Variants in DRC1 observed in about 807,000 individuals in gnomAD.
The protein encoded by DRC1 is dynein regulatory complex subunit 1, also known as dynein regulatory complex protein 1.
A neutral mutation model predicts 98.7 loss-of-function variants in DRC1; 74 were observed. That is an observed-to-expected ratio of 0.75 (90% CI 0.62 to 0.91). DRC1 has a LOEUF of 0.91. DRC1 is among the 40% of genes least tolerant of loss of function. The pLI, the probability that DRC1 is intolerant of heterozygous loss-of-function variation, is 0.00. For missense variants in DRC1, 875 were observed against 886.0 expected (o/e 0.99, Z 0.16); for synonymous variants, 336 against 334.1 (o/e 1.01, Z -0.06).
chr2:26,406,946 G>A (rs1293533150), intron 1 of DRC1, among the ~76,000 whole-genome samples: 2 of 150,858 alleles, frequency 1.3e-5, no homozygotes, highest in Non-Finnish European at 2.9e-5. Context: ...AGCCTCTCGA[G>A]TAGCTGGGAC....
At chr2:26,444,075 A>G in intron 8 of DRC1, 147 bp from the exon 9 acceptor site, 1 of 1,120,708 alleles carries the variant, frequency 8.9e-7, no homozygotes, top group Non-Finnish European at 1.3e-6. Context: ...TCAAAATGGG[A>G]TCTGTGTTTT....
intron 3 of DRC1, among the ~76,000 whole-genome samples, chr2:26,423,115 T>C (rs1663187730): frequency 6.6e-6 from 1 of 152,012 alleles, no homozygotes; most frequent in African/African-American, 2.4e-5. Flanking sequence ...GTGCCAGGAA[T>C]GGAGTCGGCA....
At chr2:26,414,023 C>A (rs965011608) in intron 1 of DRC1, among the ~76,000 whole-genome samples, 1 of 151,504 alleles carries the variant, frequency 6.6e-6, no homozygotes, top group African/African-American at 2.4e-5. Flanking sequence ...TCCCAAAGCG[C>A]TGGGATTAAC....
At chr2:26,406,021 ACCAT>A (rs1678415082) in intron 1 of DRC1, among the ~76,000 whole-genome samples, 1 of 152,124 alleles carries the variant, frequency 6.6e-6, no homozygotes, top group Admixed American at 6.6e-5. Context: ...ACCATTCTGT[ACCAT>A]TTCAATGTGC....
intron 16 of DRC1, 77 bp from the exon 17 acceptor site, chr2:26,456,384 G>C (rs879003422): frequency 6.3e-7 from 1 of 1,585,206 alleles, no homozygotes; most frequent in South Asian, 1.1e-5. Flanking sequence ...CCATGGGAGA[G>C]CCAGCGTGGC....
chr2:26,443,799 A>AT (rs907439381), intron 8 of DRC1, among the ~76,000 whole-genome samples: 2 of 152,006 alleles, frequency 1.3e-5, no homozygotes, highest in African/African-American at 2.4e-5. Context: ...TGTGATATGC[A>AT]TTTTTTTTCT....
chr2:26,411,204 C>T (rs185312834), intron 1 of DRC1, among the ~76,000 whole-genome samples: 183 of 152,306 alleles, frequency 1.2e-3, no homozygotes, highest in African/African-American at 4.3e-3. Context: ...ACTAGTTCTA[C>T]ACTGCTGAAC....
At chr2:26,452,719 A>G (rs1268656352) in intron 13 of DRC1, among the ~76,000 whole-genome samples, 2 of 152,250 alleles carry the variant, frequency 1.3e-5, no homozygotes, top group African/African-American at 4.8e-5. Context: ...GGAAAAAACC[A>G]AAGTTCTTTA....
In DRC1 at chr2:26,450,058, T is replaced by C. The variant is rs374433254; in HGVS notation, c.1572T>C (p.Tyr524=). ...LLLPLEQNEC[Y]LLRLDAIFSA... is the part of the protein sequence containing the mutation. ...TGCCCCTGGAGCAGAATGAATGCTA[T>C]CTGCTGAGGCTGGATGCCATCTTCT... The change falls in exon 12 of 17, where the codon TAT becomes TAC. Residue 524 remains tyrosine, a synonymous_variant. Transcript: ENST00000288710. 6 of 1,613,744 alleles carry C rather than the reference T, an allele frequency of 3.7e-6. No individual in the cohort carries two copies. The highest frequency in any genetic ancestry group is 5.1e-6 in the Non-Finnish European group (6 of 1,179,932).
intron 16 of DRC1, among the ~76,000 whole-genome samples, chr2:26,455,892 G>C (rs1664149594): frequency 6.6e-6 from 1 of 152,174 alleles, no homozygotes; most frequent in African/African-American, 2.4e-5. Context: ...GGCACCTGCA[G>C]CTGGGGCTGT....
chr2:26,427,077 A>G (rs1398278979), intron 4 of DRC1, among the ~76,000 whole-genome samples: 1 of 152,114 alleles, frequency 6.6e-6, no homozygotes, highest in African/African-American at 2.4e-5. Flanking sequence ...CATTATTTGC[A>G]TATAAGAATG....
At chr2:26,441,754 C>G (rs1379686995) in intron 8 of DRC1, among the ~76,000 whole-genome samples, 2 of 152,148 alleles carry the variant, frequency 1.3e-5, no homozygotes, top group African/African-American at 4.8e-5. Context: ...TGAGGCAGAG[C>G]TTGGGTTTGA....
In DRC1 at chr2:26,429,500, G is replaced by A. The variant is rs138547510; in HGVS notation, c.541-128G>A. 1.8e-3 allele frequency: 2,294 copies of A among 1,265,302 alleles called. 7 individuals are homozygous for A. Among genetic ancestry groups the A allele is most frequent in the Middle Eastern group, 8.3e-3 (42 of 5,090 alleles). 78.4% of individuals were successfully genotyped at this position (1,265,302 alleles called of 1,614,324 possible). A position where few individuals can be genotyped will look rare whatever the true frequency, so the allele number is the denominator to read the frequency against. The stretch of plus-strand genomic sequence containing the variant: ...AGATTATAGGTGTGAGCCACTGTGC[G>A]CAGCCCTCTTTGTACAGTTTCATGT... On this transcript the variant is annotated intron_variant, in intron 4 of 16. Transcript: ENST00000288710.
chr2:26,412,058 G>A (rs1398799539), intron 1 of DRC1, among the ~76,000 whole-genome samples: 2 of 152,098 alleles, frequency 1.3e-5, no homozygotes, highest in Non-Finnish European at 2.9e-5. Flanking sequence ...CAAAGAGCAT[G>A]TTCAATAAGA....
rs766148610 is a variant in DRC1, at chr2:26,424,331, A to T, written c.417A>T (p.Ser139=). The change falls in exon 4 of 17, where the codon TCA becomes TCT. Residue 139 remains serine, a synonymous_variant. Coordinates refer to ENST00000288710, the MANE Select transcript of DRC1 (RefSeq NM_145038.5). The stretch of plus-strand genomic sequence containing the variant: ...AGGACAAATTCGATGAAATCACCTC[A>T]AAGTGGGAAGAGGGCAAGCAGAAGA... ...TSQDKFDEIT[S]KWEEGKQKRI... 5.0e-6 allele frequency: 8 copies of T among 1,613,982 alleles called. No homozygotes were observed. Among genetic ancestry groups the T allele is most frequent in the Non-Finnish European group, 6.8e-6 (8 of 1,180,002 alleles).
intron 10 of DRC1, among the ~76,000 whole-genome samples, chr2:26,447,375 T>C (rs1663882607): frequency 1.3e-5 from 2 of 152,056 alleles, no homozygotes; most frequent in Non-Finnish European, 2.9e-5. Context: ...ATTATGCCAC[T>C]GCACTGCAGC....
chr2:26,453,569 G>A lies in DRC1; in HGVS notation c.1919+20G>A. On this transcript the variant is annotated intron_variant, in intron 14 of 16. Transcript: ENST00000288710. ...GCCTAGGTGGGCTGCGGGGCTGGAA[G>A]GCTTGCCTGAGACCAGAACCAGGGG... 6.2e-7 allele frequency: 1 copy of A among 1,608,088 alleles called. No homozygotes were observed. The highest frequency in any genetic ancestry group is 1.1e-5 in the South Asian group (1 of 90,584).
Position 26,444,758 on chromosome 2 carries a change from G to C in DRC1, c.1206G>C (p.Trp402Cys). The C allele has an allele frequency of 1.2e-6, 2 of 1,614,166 alleles. No individual in the cohort carries two copies. Among genetic ancestry groups the C allele is most frequent in the Non-Finnish European group, 1.7e-6 (2 of 1,180,028 alleles). The stretch of plus-strand genomic sequence containing the variant: ...ATGATGAGAAGTTTTGGGAGATTTG[G>C]CTGATGAATGAAGAGGAGGCGAAGG... ...LIDDEKFWEI[W>C]LMNEEEAKDL... Residue 402 changes from tryptophan (W) to cysteine (C), a missense_variant, in exon 10 of 17, where the codon TGG (tryptophan) becomes TGC (cysteine). Transcript: ENST00000288710.
intron 1 of DRC1, among the ~76,000 whole-genome samples, chr2:26,407,287 T>C (rs1678459051): frequency 6.6e-6 from 1 of 152,136 alleles, no homozygotes; most frequent in South Asian, 2.1e-4. Flanking sequence ...TTGTGGATGC[T>C]GGGAAGCACA....
Sources: gnomAD v4.1 joint callset for allele counts (sites outside exome capture counted in the v4.1 genomes callset) on GRCh38, gnomAD v4.1.1 for gene constraint, MANE v1.5 for transcripts, NCBI Gene and HGNC (gene_info 2026-07-23, HGNC 2026-07-21) for gene names.